Variants in RABGAP1 observed in about 807,000 individuals in gnomAD.
RABGAP1 encodes the protein rab GTPase-activating protein 1.
RABGAP1 carries 23 observed loss-of-function variants against 137.6 expected under a neutral mutation model. The observed-to-expected ratio is 0.17, with a 90% CI of 0.12 to 0.24. The LOEUF is 0.24. Among genes scored for constraint, RABGAP1 ranks in the 10% least tolerant of loss-of-function variants. The pLI is 1.00. For synonymous variants in RABGAP1, 451 were observed against 450.7 expected (o/e 1.00, Z -0.01); for missense variants, 906 against 1,275.8 (o/e 0.71, Z 4.42).
At chr9:123,002,201 T>C (rs551410392) in intron 10 of RABGAP1, among the ~76,000 whole-genome samples, 1 of 151,804 alleles carries the variant, frequency 6.6e-6, no homozygotes, top group East Asian at 1.9e-4. Flanking sequence ...CTTGGGAGGC[T>C]GAAACAGGAG....
chr9:123,025,542 TC>T (rs2031904308), intron 13 of RABGAP1, among the ~76,000 whole-genome samples: 2 of 130,684 alleles, frequency 1.5e-5, no homozygotes, highest in East Asian at 4.0e-4. Flanking sequence ...ATCTTTCTTT[TC>T]TTTTTTTTTT....
chr9:123,032,598 A>G (rs941566566), intron 13 of RABGAP1, among the ~76,000 whole-genome samples: 14 of 152,360 alleles, frequency 9.2e-5, no homozygotes, highest in African/African-American at 3.4e-4. Context: ...AATAAAAATG[A>G]AAGTTGGATC....
chr9:123,080,682 A>G (rs1290546159), intron 19 of RABGAP1, among the ~76,000 whole-genome samples: 1 of 152,152 alleles, frequency 6.6e-6, no homozygotes, highest in African/African-American at 2.4e-5. Flanking sequence ...CTGTGGTTTG[A>G]GTCCATTAGA....
At chr9:123,103,032 G>C (rs2035388370) in intron 25 of RABGAP1, 59 bp from the exon 26 acceptor site, 8 of 1,581,996 alleles carry the variant, frequency 5.1e-6, no homozygotes. Context: ...TTCTCCTCTG[G>C]GGAGCCAGTG....
the RABGAP1 span, among the ~76,000 whole-genome samples, chr9:122,932,911 T>C: frequency 6.6e-6 from 1 of 152,266 alleles, no homozygotes; most frequent in Admixed American, 6.5e-5. Context: ...TTCCTTCTGT[T>C]ATTAATTTAT....
intron 2 of RABGAP1, among the ~76,000 whole-genome samples, chr9:122,970,442 C>G (rs1835409583): frequency 6.6e-6 from 1 of 152,040 alleles, no homozygotes; most frequent in African/African-American, 2.4e-5. Context: ...GATACCCTGT[C>G]TTAAAAAAGA....
At position 122,996,206 on chromosome 9, in the gene RABGAP1, A is replaced by G. The variant is rs906325826; in HGVS notation, c.1034+55A>G. 7.7e-6 allele frequency: 12 copies of G among 1,567,142 alleles called. No individual in the cohort carries two copies. The Admixed American group carries it at 1.6e-4, about 21-fold the overall frequency. ...TATAAATTTTGGCTTTTATCAATCT[A>G]ATGGCATAGTTTTACACTGTATTAA... On this transcript the variant is annotated intron_variant, in intron 7 of 25. Coordinates refer to ENST00000373647, the MANE Select transcript of RABGAP1 (RefSeq NM_012197.4).
chr9:123,099,606 A>G (rs2035282926), intron 24 of RABGAP1, 57 bp downstream of exon 24: 2 of 1,484,838 alleles, frequency 1.3e-6, no homozygotes, highest in African/African-American at 2.8e-5. Flanking sequence ...TTATGGCTGT[A>G]TAAACAGGTT....
chr9:122,982,606 C>T (rs1253774801), intron 2 of RABGAP1, among the ~76,000 whole-genome samples: 5 of 152,154 alleles, frequency 3.3e-5, no homozygotes, highest in African/African-American at 1.2e-4. Flanking sequence ...GTTATTTCTC[C>T]CTACCCTTGG....
chr9:123,027,172 A>G (rs2032026421), intron 13 of RABGAP1, among the ~76,000 whole-genome samples: 1 of 142,442 alleles, frequency 7.0e-6, no homozygotes, highest in Non-Finnish European at 1.5e-5. Flanking sequence ...GCTGGAGTGC[A>G]GTGGCACGAT....
intron 19 of RABGAP1, among the ~76,000 whole-genome samples, chr9:123,089,243 G>A (rs1588402853): frequency 6.6e-6 from 1 of 152,114 alleles, no homozygotes; most frequent in Admixed American, 6.5e-5. Flanking sequence ...TGAGGACTTT[G>A]GATGGAGTCC....
intron 18 of RABGAP1, 133 bp downstream of exon 18, chr9:123,076,419 C>A: frequency 8.5e-7 from 1 of 1,181,268 alleles, no homozygotes; most frequent in South Asian, 1.5e-5. Context: ...GCAGGTGGCT[C>A]TGACAAAAGC....
chr9:122,987,510 C>CT lies in RABGAP1; in HGVS notation c.590+1101dup, dbSNP rs568532768. ...CATAATTTACAACTGTTAGAATCAA[C>CT]TTTTTTTTTTAACAGCAATGGACCT... On this transcript the variant is annotated intron_variant, in intron 4 of 25. Transcript: ENST00000373647. 3.2e-4 allele frequency among the ~76,000 whole-genome samples: 47 copies of CT among 148,472 alleles called. 1 individual carries two copies. The highest frequency in any genetic ancestry group is 1.1e-3 in the South Asian group (5 of 4,708).
intron 8 of RABGAP1, 44 bp from the exon 9 acceptor site, chr9:122,997,215 C>A: frequency 1.4e-6 from 2 of 1,446,632 alleles, no homozygotes; most frequent in South Asian, 1.2e-5. Flanking sequence ...AACTGTTGTT[C>A]ACTCACTGTG....
At chr9:123,001,828 C>T (rs1269852650) in intron 10 of RABGAP1, among the ~76,000 whole-genome samples, 1 of 152,174 alleles carries the variant, frequency 6.6e-6, no homozygotes, top group African/African-American at 2.4e-5. Flanking sequence ...GTTCTCCCTA[C>T]GTATTTGCTG....
At chr9:123,036,023 T>C in intron 13 of RABGAP1, among the ~76,000 whole-genome samples, 1 of 152,230 alleles carries the variant, frequency 6.6e-6, no homozygotes, top group South Asian at 2.1e-4. Context: ...TTTCCAGCTA[T>C]TTGGGCTTCA....
intron 11 of RABGAP1, among the ~76,000 whole-genome samples, chr9:123,010,878 C>T (rs1002881508): frequency 1.3e-5 from 2 of 152,080 alleles, no homozygotes; most frequent in Admixed American, 1.3e-4. Context: ...TTTGCAGGAA[C>T]AAATTCACTG....
At chr9:123,075,716 G>A (rs2132156970) in intron 17 of RABGAP1, among the ~76,000 whole-genome samples, 1 of 152,286 alleles carries the variant, frequency 6.6e-6, no homozygotes, top group East Asian at 1.9e-4. Context: ...AAAACCCATA[G>A]GAGAGTATTA....
At chr9:122,957,231 T>A in intron 2 of RABGAP1, 22 bp downstream of exon 2, 1 of 1,487,266 alleles carries the variant, frequency 6.7e-7, no homozygotes, top group East Asian at 2.3e-5. Flanking sequence ...TAACCTAAGA[T>A]TGTTTTGCTT....
Sources: allele counts gnomAD v4.1 joint callset (sites outside exome capture counted in the v4.1 genomes callset), GRCh38; gene constraint gnomAD v4.1.1; transcripts MANE v1.5; gene names NCBI Gene and HGNC (gene_info 2026-07-23, HGNC 2026-07-21).